KHDRBS2: variants seen among roughly 807,000 people sequenced by gnomAD.
KHDRBS2 encodes the protein KH RNA binding domain containing, signal transduction associated 2.
In KHDRBS2, 26 loss-of-function variants were observed where a neutral mutation model predicts 44.3. The ratio of observed to expected loss-of-function variants is 0.59; its 90% CI spans 0.43 to 0.81. The LOEUF is 0.81. Among genes scored for constraint, KHDRBS2 ranks in the 40% least tolerant of loss-of-function variants. The pLI is 0.00. For synonymous variants in KHDRBS2, 194 were observed against 151.1 expected (o/e 1.28, Z -2.08); for missense variants, 476 against 433.1 (o/e 1.10, Z -0.88).
At chr6:61,846,784 CATAT>C (rs142483867) in intron 6 of KHDRBS2, among the ~76,000 whole-genome samples, 60,191 of 149,636 alleles carry the variant, frequency 0.4, 12,171 homozygotes, top group South Asian at 0.58. Context: ...CTTGTAAGTA[CATAT>C]ATATATATAT....
rs71770267 is a variant in KHDRBS2 at position 61,990,706 on chromosome 6, CTT to C, written c.337-12496_337-12495del. 4.0e-3 allele frequency among the ~76,000 whole-genome samples: 577 copies of C among 145,688 alleles called. 3 individuals carry two copies. Among genetic ancestry groups the C allele is most frequent in the African/African-American group, 0.013 (531 of 39,890 alleles). Reference sequence around the variant, plus strand: ...GAAACAGTACCTAGCATTGGATAACCTTTTTTTTTTTTTTCCTTTTGAGACTT... The same window carrying C: ...GAAACAGTACCTAGCATTGGATAACCTTTTTTTTTTTTCCTTTTGAGACTT... On this transcript the variant is annotated intron_variant, in intron 3 of 8. Transcript: ENST00000281156.
At chr6:62,084,988 G>A (rs1487697876) in intron 2 of KHDRBS2, among the ~76,000 whole-genome samples, 1 of 152,092 alleles carries the variant, frequency 6.6e-6, no homozygotes, top group Non-Finnish European at 1.5e-5. Flanking sequence ...ACTTAAATGT[G>A]TGCAGGCAAA....
chr6:61,989,099 T>C (rs929432406), intron 3 of KHDRBS2, among the ~76,000 whole-genome samples: 8 of 152,080 alleles, frequency 5.3e-5, no homozygotes, highest in African/African-American at 1.7e-4. Flanking sequence ...ATTTCCCCAC[T>C]CTCCTTTTTC....
the KHDRBS2 span, among the ~76,000 whole-genome samples, chr6:61,554,341 G>A: frequency 2.7e-5 from 4 of 149,066 alleles, no homozygotes; most frequent in African/African-American, 4.9e-5. Context: ...TTTTTTTTTC[G>A]GTTTCTCATT....
chr6:61,913,252 A>G (rs750788572), intron 4 of KHDRBS2, among the ~76,000 whole-genome samples: 34 of 152,188 alleles, frequency 2.2e-4, no homozygotes, highest in Middle Eastern at 6.8e-3. Context: ...GAGATCAGCT[A>G]AAGGAAATTC....
chr6:61,550,063 T>G, the KHDRBS2 span, among the ~76,000 whole-genome samples: 351 of 152,234 alleles, frequency 2.3e-3, 2 homozygotes, highest in African/African-American at 8.2e-3. Flanking sequence ...GAATTTTTAT[T>G]TTAGGGTCAG....
At chr6:62,195,151 T>A (rs1228000527) in intron 1 of KHDRBS2, among the ~76,000 whole-genome samples, 2 of 152,196 alleles carry the variant, frequency 1.3e-5, no homozygotes, top group Non-Finnish European at 2.9e-5. Flanking sequence ...CCCTTATTTG[T>A]TAAATTCATT....
intron 1 of KHDRBS2, among the ~76,000 whole-genome samples, chr6:62,200,940 A>G (rs1388611570): frequency 6.6e-6 from 1 of 152,172 alleles, no homozygotes; most frequent in African/African-American, 2.4e-5. Context: ...TTGTAGGGGC[A>G]TGGATGAAGC....
rs1562519091 is a variant in KHDRBS2 at position 61,955,392 on chromosome 6, G to GTATACATA, written c.483+22673_483+22674insTATGTATA. Among the ~76,000 whole-genome samples the GTATACATA allele has an allele frequency of 4.1e-3, 354 of 85,748 alleles. 39 individuals are homozygous for GTATACATA. Among genetic ancestry groups the GTATACATA allele is most frequent in the Middle Eastern group, 0.013 (1 of 78 alleles). The allele number at this position is 85,748 out of a possible 152,430, so 56.3% of individuals were successfully genotyped here. On this transcript the variant is annotated intron_variant, in intron 4 of 8. Coordinates refer to ENST00000281156, the MANE Select transcript of KHDRBS2 (RefSeq NM_152688.4). Reference sequence around the variant, plus strand: ...TACGTGTATATATACACATACGTATGTGTATGTATACATATACGTGTATAT... The same window carrying GTATACATA: ...TACGTGTATATATACACATACGTATGTATACATATGTATGTATACATATACGTGTATAT...
At chr6:61,587,893 G>A in the KHDRBS2 span, among the ~76,000 whole-genome samples, 8 of 144,878 alleles carry the variant, frequency 5.5e-5, no homozygotes, top group East Asian at 1.7e-3. Flanking sequence ...TAGATGCTTA[G>A]AAAACTAACG....
rs1257883631 is a variant in KHDRBS2 at position 62,159,455 on chromosome 6, C to G, written c.219+17730G>C. On this transcript the variant is annotated intron_variant, in intron 2 of 8. Transcript: ENST00000281156. Reference sequence around the variant, plus strand: ...CAACTGTGACAGGTCCCTGGAAATTCTGTAAGATGACAAAAAGGATTATCA... The same window carrying G: ...CAACTGTGACAGGTCCCTGGAAATTGTGTAAGATGACAAAAAGGATTATCA... Among the ~76,000 whole-genome samples, 2 of 152,074 alleles carry G rather than the reference C, an allele frequency of 1.3e-5. 1 individual carries two copies. Among genetic ancestry groups the G allele is most frequent in the Non-Finnish European group, 2.9e-5 (2 of 67,986 alleles).
At position 61,876,490 on chromosome 6, in the gene KHDRBS2, A is replaced by G. The variant is rs1468720038; in HGVS notation, c.810+18145T>C. On this transcript the variant is annotated intron_variant, in intron 6 of 8. Transcript: ENST00000281156. ...CTTTATAGAATATTGGTATTAGTGTACCTACATTCTTCTAAAAAAATATGA... is the reference window on the plus strand; with the variant it reads ...CTTTATAGAATATTGGTATTAGTGTGCCTACATTCTTCTAAAAAAATATGA... Among the ~76,000 whole-genome samples, 9 of 137,656 alleles carry G rather than the reference A, an allele frequency of 6.5e-5. No homozygotes were observed. In the Admixed American group the frequency reaches 7.2e-4, roughly 11 times the overall value. The allele number at this position is 137,656 out of a possible 152,430, so 90.3% of individuals were successfully genotyped here. A position where few individuals can be genotyped will look rare whatever the true frequency, so the allele number is the denominator to read the frequency against.
intron 2 of KHDRBS2, among the ~76,000 whole-genome samples, chr6:62,058,658 G>A (rs1415717500): frequency 3.3e-5 from 5 of 151,784 alleles, no homozygotes; most frequent in South Asian, 2.1e-4. Context: ...AAACATTGGT[G>A]AGCAAGAGAA....
intron 4 of KHDRBS2, among the ~76,000 whole-genome samples, chr6:61,945,454 C>T (rs1170942487): frequency 6.6e-6 from 1 of 151,658 alleles, no homozygotes; most frequent in East Asian, 1.9e-4. Context: ...TTACTACAAG[C>T]TTTATTTATA....
chr6:61,782,431 A>G (rs1038550345), intron 6 of KHDRBS2, among the ~76,000 whole-genome samples: 1 of 151,836 alleles, frequency 6.6e-6, no homozygotes, highest in Non-Finnish European at 1.5e-5. Context: ...CTCTTAGTTT[A>G]TTTTTGCAGT....
intron 6 of KHDRBS2, among the ~76,000 whole-genome samples, chr6:61,779,283 C>T (rs1782577083): frequency 1.3e-5 from 2 of 151,996 alleles, no homozygotes; most frequent in South Asian, 2.1e-4. Flanking sequence ...TCAGAAATAT[C>T]CTCCCATTGG....
chr6:62,217,044 AG>A (rs1224444423), intron 1 of KHDRBS2, among the ~76,000 whole-genome samples: 1 of 150,098 alleles, frequency 6.7e-6, no homozygotes, highest in African/African-American at 2.4e-5. Flanking sequence ...AAAAAAAAAA[AG>A]GTGCCAAAGA....
chr6:62,137,610 G>T (rs1312653693), intron 2 of KHDRBS2, among the ~76,000 whole-genome samples: 1 of 152,112 alleles, frequency 6.6e-6, no homozygotes, highest in Non-Finnish European at 1.5e-5. Flanking sequence ...ACTGGAGAAG[G>T]CATGTTCTGT....
the KHDRBS2 span, among the ~76,000 whole-genome samples, chr6:61,637,412 T>C: frequency 7.2e-4 from 110 of 152,310 alleles, no homozygotes; most frequent in African/African-American, 2.5e-3. Flanking sequence ...ATGTGCCACA[T>C]TTTCTTAATC....
Sources: gnomAD v4.1 joint callset for allele counts (sites outside exome capture counted in the v4.1 genomes callset) on GRCh38, gnomAD v4.1.1 for gene constraint, MANE v1.5 for transcripts, NCBI Gene and HGNC (gene_info 2026-07-23, HGNC 2026-07-21) for gene names.